Variants in ABCB1 observed in about 807,000 individuals in gnomAD.
ABCB1 encodes the protein ATP binding cassette subfamily B member 1.
Under a neutral mutation model 142.0 loss-of-function variants are expected in ABCB1, and 69 were observed. The ratio of observed to expected loss-of-function variants is 0.49; its 90% CI spans 0.40 to 0.59. The LOEUF (loss-of-function observed/expected upper bound fraction) is 0.59, where lower values mean the gene tolerates loss of function less well. Among genes scored for constraint, ABCB1 ranks in the 20% least tolerant of loss-of-function variants. ABCB1 has a pLI of 0.00. For missense variants in ABCB1, 1,326 were observed against 1,554.7 expected, an observed-to-expected ratio of 0.85 and a Z score of 2.47; for synonymous variants, 532 against 539.2, an observed-to-expected ratio of 0.99 and a Z score of 0.18.
intron 1 of ABCB1, among the ~76,000 whole-genome samples, chr7:87,624,530 C>T (rs960329396): frequency 6.6e-6 from 1 of 152,118 alleles, no homozygotes; most frequent in Non-Finnish European, 1.5e-5. Context: ...TCTGCCCATT[C>T]GGTTCTACAG....
At chr7:87,646,927 T>G (rs893064411) in intron 1 of ABCB1, among the ~76,000 whole-genome samples, 1 of 152,212 alleles carries the variant, frequency 6.6e-6, no homozygotes, top group Admixed American at 6.5e-5. Flanking sequence ...CAGTGTTACT[T>G]CCTATATGTT....
chr7:87,595,063 A>G (rs1733322805), intron 3 of ABCB1, among the ~76,000 whole-genome samples: 1 of 152,058 alleles, frequency 6.6e-6, no homozygotes, highest in South Asian at 2.1e-4. Flanking sequence ...AACTAGGCAG[A>G]GGTTGCAGTG....
intron 21 of ABCB1, among the ~76,000 whole-genome samples, chr7:87,529,978 C>T (rs1815959155): frequency 6.6e-6 from 1 of 152,200 alleles, no homozygotes; most frequent in African/African-American, 2.4e-5. Context: ...CCCCTACAGA[C>T]ACTGGCTGGG....
At chr7:87,620,574 T>G (rs567378580) in intron 1 of ABCB1, among the ~76,000 whole-genome samples, 1 of 152,240 alleles carries the variant, frequency 6.6e-6, no homozygotes, top group South Asian at 2.1e-4. Context: ...GGTATTCCAG[T>G]ATTTTAGTTT....
At chr7:87,608,837 A>G (rs568229170) in intron 1 of ABCB1, among the ~76,000 whole-genome samples, 129 of 152,334 alleles carry the variant, frequency 8.5e-4, no homozygotes, top group African/African-American at 3.1e-3. Flanking sequence ...ATTTCCATAT[A>G]CAAGAAACAC....
chr7:87,601,220 T>G (rs986404714), upstream of ABCB1: 1 of 152,230 alleles, frequency 6.6e-6, no homozygotes, highest in Non-Finnish European at 1.5e-5. Flanking sequence ...TTCTCGGGAT[T>G]CGCATTTAAT....
chr7:87,538,266 T>C (rs1816381790), intron 19 of ABCB1, among the ~76,000 whole-genome samples: 1 of 152,192 alleles, frequency 6.6e-6, no homozygotes, highest in African/African-American at 2.4e-5. Flanking sequence ...AAGTGGAATC[T>C]GACTTATAAA....
At chr7:87,537,726 C>G (rs1816359389) in intron 19 of ABCB1, among the ~76,000 whole-genome samples, 1 of 151,988 alleles carries the variant, frequency 6.6e-6, no homozygotes, top group East Asian at 1.9e-4. Flanking sequence ...AACAAATCAG[C>G]AAAAGTAATC....
chr7:87,592,533 A>G (rs954080390), intron 3 of ABCB1, among the ~76,000 whole-genome samples: 2 of 152,236 alleles, frequency 1.3e-5, no homozygotes, highest in African/African-American at 4.8e-5. Context: ...AAAAGATAGC[A>G]GCAATAAAGA....
At chr7:87,673,474 T>C (rs145415674) in intron 1 of ABCB1, among the ~76,000 whole-genome samples, 12 of 152,356 alleles carry the variant, frequency 7.9e-5, no homozygotes, top group Non-Finnish European at 1.8e-4. Context: ...TCTTCAAGCA[T>C]TGAGATTCTT....
At chr7:87,515,158 G>C (rs1272031263) in intron 25 of ABCB1, 73 bp downstream of exon 25, 10 of 1,565,556 alleles carry the variant, frequency 6.4e-6, no homozygotes, top group African/African-American at 1.4e-5. Flanking sequence ...ATGGCTTATA[G>C]TTGAGAATTA....
In ABCB1 at chr7:87,549,724, G is replaced by A. The variant is rs1008523470; in HGVS notation, c.1554+127C>T. On this transcript the variant is annotated intron_variant, in intron 13 of 27. Transcript: ENST00000622132. The stretch of plus-strand genomic sequence containing the variant: ...TACTGCTAGAGCTTTCAAATCTGAA[G>A]TAATCTTACTTTCCCTTCTTAGGAT... 2.2e-6 allele frequency: 3 copies of A among 1,366,176 alleles called. No individual in the cohort carries two copies. Among genetic ancestry groups the A allele is most frequent in the Non-Finnish European group, 2.1e-6 (2 of 962,934 alleles). 84.6% of individuals were successfully genotyped at this position (1,366,176 alleles called of 1,614,324 possible).
At chr7:87,700,593 TC>T (rs759645820) in intron 1 of ABCB1, 3 of 1,572,944 alleles carry the variant, frequency 1.9e-6, no homozygotes, top group Non-Finnish European at 2.6e-6. Context: ...ATTTTTTTTT[TC>T]ATTGCATGTA....
intron 1 of ABCB1, among the ~76,000 whole-genome samples, chr7:87,683,893 G>A (rs1358809967): frequency 6.6e-6 from 1 of 152,038 alleles, no homozygotes; most frequent in Non-Finnish European, 1.5e-5. Flanking sequence ...ATTAAAACAA[G>A]AAATGACTGT....
At chr7:87,529,450 C>A (rs970787317) in intron 21 of ABCB1, among the ~76,000 whole-genome samples, 1 of 152,110 alleles carries the variant, frequency 6.6e-6, no homozygotes, top group South Asian at 2.1e-4. Context: ...CATGAGCCAC[C>A]CCTGAATTAG....
intron 21 of ABCB1, chr7:87,522,088 T>G (rs983533944): frequency 8.2e-6 from 10 of 1,222,168 alleles, no homozygotes; most frequent in African/African-American, 1.5e-5. Context: ...TGGAGGTAGT[T>G]TCGGTGGGAA....
chr7:87,610,714 T>C (rs1046620445), intron 1 of ABCB1, among the ~76,000 whole-genome samples: 36 of 152,328 alleles, frequency 2.4e-4, no homozygotes, highest in African/African-American at 8.7e-4. Flanking sequence ...TTAAGACAAA[T>C]AATTATAAAA....
chr7:87,651,776 A>T (rs1197025295), intron 1 of ABCB1, among the ~76,000 whole-genome samples: 1 of 152,144 alleles, frequency 6.6e-6, no homozygotes, highest in African/African-American at 2.4e-5. Context: ...AGGTTTTAAT[A>T]TAAGTGTTTA....
intron 1 of ABCB1, among the ~76,000 whole-genome samples, chr7:87,655,269 C>G (rs1823983716): frequency 6.6e-6 from 1 of 152,124 alleles, no homozygotes; most frequent in African/African-American, 2.4e-5. Flanking sequence ...TATCTCTACT[C>G]CCATGTTCAT....
Sources: allele counts gnomAD v4.1 joint callset (sites outside exome capture counted in the v4.1 genomes callset), GRCh38; gene constraint gnomAD v4.1.1; transcripts MANE v1.5; gene names NCBI Gene and HGNC (gene_info 2026-07-23, HGNC 2026-07-21).